CES1: variants seen among roughly 807,000 people sequenced by gnomAD.
CES1 encodes the protein liver carboxylesterase 1.
In CES1, 50 loss-of-function variants were observed where a neutral mutation model predicts 53.0. The ratio of observed to expected loss-of-function variants is 0.94; its 90% CI spans 0.75 to 1.19. The LOEUF (loss-of-function observed/expected upper bound fraction) is 1.19. Ranked by LOEUF, CES1 falls within the 50% of genes most tolerant of loss-of-function variation. The pLI, the probability that CES1 is intolerant of heterozygous loss-of-function variation, is 0.00. For synonymous variants in CES1, 202 were observed against 210.1 expected (o/e 0.96, Z 0.33); for missense variants, 534 against 538.0 (o/e 0.99, Z 0.07).
intron 9 of CES1, among the ~76,000 whole-genome samples, 162 bp from the exon 10 acceptor site, chr16:55,811,172 T>G (rs1597066853): frequency 1.3e-5 from 2 of 149,486 alleles, no homozygotes; most frequent in Admixed American, 1.3e-4. Flanking sequence ...ATGAATCAAA[T>G]GGGCTTATAT....
At chr16:55,827,890 A>T (rs1333457590) in intron 2 of CES1, 3 of 152,212 alleles carry the variant, frequency 2.0e-5, no homozygotes, top group African/African-American at 7.2e-5. Flanking sequence ...ATACTTTACC[A>T]TCTAAAATAC....
chr16:55,822,657 C>A (rs1375269925), intron 4 of CES1, among the ~76,000 whole-genome samples: 1 of 152,010 alleles, frequency 6.6e-6, no homozygotes, highest in Non-Finnish European at 1.5e-5. Flanking sequence ...GAAACAGGGG[C>A]TCTGGCTGCT....
intron 8 of CES1, among the ~76,000 whole-genome samples, chr16:55,816,231 T>C (rs1406214058): frequency 6.6e-6 from 1 of 152,224 alleles, no homozygotes; most frequent in Non-Finnish European, 1.5e-5. Context: ...TAATGGAAGG[T>C]CCCAAGAGGG....
chr16:55,809,917 G>A (rs2031612661), intron 11 of CES1, among the ~76,000 whole-genome samples: 1 of 152,212 alleles, frequency 6.6e-6, no homozygotes, highest in South Asian at 2.1e-4. Context: ...TGCAGCAGAT[G>A]CTGCCAGGGT....
chr16:55,813,565 C>G (rs2031799182), intron 8 of CES1, among the ~76,000 whole-genome samples: 1 of 152,192 alleles, frequency 6.6e-6, no homozygotes, highest in South Asian at 2.1e-4. Flanking sequence ...ATAGGTGTTA[C>G]TTTAGCCCTT....
At position 55,810,764 on chromosome 16, in the gene CES1, G is replaced by A. The variant is rs540411170; in HGVS notation, c.1171-100C>T. On this transcript the variant is annotated intron_variant, in intron 10 of 13. Coordinates refer to ENST00000360526, the MANE Select transcript of CES1 (RefSeq NM_001025195.2). The stretch of plus-strand genomic sequence containing the variant: ...CTCAATGGTGAACCCCATAAGCCCT[G>A]TGCAACTCCCCGCTAGGGTGGAAAA... The A allele has an allele frequency of 3.6e-5, 54 of 1,490,802 alleles. No individual in the cohort carries two copies. The Admixed American group carries it at 8.9e-4, about 25-fold the overall frequency. The allele number at this position is 1,490,802 out of a possible 1,614,324, so 92.3% of individuals were successfully genotyped here.
At chr16:55,812,537 A>C in intron 9 of CES1, 2 of 359,158 alleles carry the variant, frequency 5.6e-6, no homozygotes, top group Non-Finnish European at 1.1e-5. Context: ...ACCCAGCCCG[A>C]GGTGGGAAGC....
intron 3 of CES1, among the ~76,000 whole-genome samples, chr16:55,825,628 C>G (rs1364535565): frequency 6.6e-6 from 1 of 152,266 alleles, no homozygotes; most frequent in Admixed American, 6.5e-5. Context: ...ATGAATGTTG[C>G]TGTGCTGGAG....
intron 9 of CES1, 131 bp downstream of exon 9, chr16:55,812,771 GT>G (rs2142318194): frequency 7.6e-7 from 1 of 1,316,768 alleles, no homozygotes; most frequent in African/African-American, 1.5e-5. Context: ...CCGTGGAAAT[GT>G]TAACTCCTGC....
At position 55,823,591 on chromosome 16, in the gene CES1, C is replaced by T; in HGVS notation, c.498G>A (p.Val166=). 1.2e-6 allele frequency: 2 copies of T among 1,613,974 alleles called. No homozygotes were observed. Among genetic ancestry groups the T allele is most frequent in the South Asian group, 2.2e-5 (2 of 91,074 alleles). The stretch of plus-strand genomic sequence containing the variant: ...TGCCCAGGCGATATTGAATGGTCAC[C>T]ACCACCACGTTTTCATGGGCAGCAA... ...LALAAHENVV[V]VTIQYRLGIW... Residue 166 remains valine (V), a synonymous_variant, in exon 4 of 14, where the codon GTG becomes GTA. Transcript: ENST00000360526.
chr16:55,832,838 G>A (rs1477897750), intron 1 of CES1, among the ~76,000 whole-genome samples, 166 bp downstream of exon 1: 2 of 152,258 alleles, frequency 1.3e-5, no homozygotes, highest in African/African-American at 4.8e-5. Flanking sequence ...GCGCGGGCCA[G>A]GCTGGCCGGG....
At chr16:55,817,404 C>T (rs367914065) in intron 7 of CES1, among the ~76,000 whole-genome samples, 3 of 152,196 alleles carry the variant, frequency 2.0e-5, no homozygotes, top group African/African-American at 4.8e-5. Context: ...GTTTACACGA[C>T]GATGCTATTG....
chr16:55,832,467 G>A (rs1261026880), intron 1 of CES1, among the ~76,000 whole-genome samples: 1 of 152,138 alleles, frequency 6.6e-6, no homozygotes, highest in Non-Finnish European at 1.5e-5. Context: ...TGCCAAGAGT[G>A]CTTTAGAAAC....
intron 8 of CES1, among the ~76,000 whole-genome samples, chr16:55,815,029 G>A (rs1186140100): frequency 2.0e-5 from 3 of 152,264 alleles, no homozygotes; most frequent in African/African-American, 7.2e-5. Context: ...CCTGCCTGCG[G>A]TGGGCTCTGG....
intron 1 of CES1, among the ~76,000 whole-genome samples, chr16:55,830,819 A>AAGGAAGGAAGGAAGGAAGGAAGGAAGGC (rs1454708070): frequency 1.5e-4 from 19 of 127,336 alleles, no homozygotes; most frequent in South Asian, 7.7e-4. Flanking sequence ...GGAAGGAAGG[A>AAGGAAGGAAGGAAGGAAGGAAGGAAGGC]AGGCAGGCAG....
intron 5 of CES1, 81 bp downstream of exon 5, chr16:55,821,287 T>C (rs1363390317): frequency 4.6e-6 from 7 of 1,537,410 alleles, no homozygotes; most frequent in Non-Finnish European, 6.3e-6. Flanking sequence ...GAGGTATCCA[T>C]AGCTGGATTG....
chr16:55,817,003 CA>C, intron 7 of CES1, 41 bp from the exon 8 acceptor site: 1 of 1,610,890 alleles, frequency 6.2e-7, no homozygotes, highest in African/African-American at 1.3e-5. Flanking sequence ...AGAGGCTTAC[CA>C]GGAGAACACT....
At chr16:55,829,381 T>G (rs1386499673) in intron 1 of CES1, among the ~76,000 whole-genome samples, 1 of 152,226 alleles carries the variant, frequency 6.6e-6, no homozygotes, top group African/African-American at 2.4e-5. Flanking sequence ...GGGTCACATA[T>G]ACACCTGGGG....
chr16:55,832,839 G>T (rs1425106238), intron 1 of CES1, among the ~76,000 whole-genome samples, 165 bp downstream of exon 1: 1 of 152,248 alleles, frequency 6.6e-6, no homozygotes, highest in African/African-American at 2.4e-5. Context: ...CGCGGGCCAG[G>T]CTGGCCGGGC....
Sources: gnomAD v4.1 joint callset for allele counts (sites outside exome capture counted in the v4.1 genomes callset) on GRCh38, gnomAD v4.1.1 for gene constraint, MANE v1.5 for transcripts, NCBI Gene and HGNC (gene_info 2026-07-23, HGNC 2026-07-21) for gene names.